SBF1: variants seen among roughly 807,000 people sequenced by gnomAD.
SBF1 encodes the protein myotubularin-related protein 5.
Under a neutral mutation model 215.8 loss-of-function variants are expected in SBF1, and 65 were observed. That is an observed-to-expected ratio of 0.30 (90% CI 0.25 to 0.37). The LOEUF is 0.37. SBF1 is among the 10% of genes least tolerant of loss of function. The probability of loss-of-function intolerance (pLI) is 1.00; values close to 1 mark genes in which losing one functional copy is unlikely to be tolerated. For missense variants in SBF1, 2,634 were observed against 2,667.8 expected (o/e 0.99, Z 0.28); for synonymous variants, 1,410 against 1,122.8 (o/e 1.26, Z -5.11).
chr22:50,452,852 G>C (rs2067102480), intron 36 of SBF1, among the ~76,000 whole-genome samples: 2 of 151,718 alleles, frequency 1.3e-5, no homozygotes, highest in Admixed American at 1.3e-4. Context: ...CTCTTCTGGT[G>C]TCAACAGGGT....
intron 23 of SBF1, 148 bp from the exon 24 acceptor site, chr22:50,460,860 G>A (rs2067478600): frequency 5.2e-6 from 5 of 966,326 alleles, no homozygotes; most frequent in Non-Finnish European, 3.0e-6. Context: ...GTCACACGAA[G>A]GCAAGCGCTT....
rs764950474 is a variant in SBF1, at chr22:50,464,906, G to A, written c.1344C>T (p.His448=). ...PTDLFDELVA[H]EVARMRADEN... is the part of the protein sequence containing the mutation. The stretch of plus-strand genomic sequence containing the variant: ...CATCCGCCCGCATCCTTGCCACCTC[G>A]TGGGCCACCAGCTAGCGGGGTAAGC... Residue 448 remains histidine (H), a synonymous_variant, in exon 13 of 41, where the codon CAC becomes CAT. Coordinates refer to ENST00000380817, the MANE Select transcript of SBF1 (RefSeq NM_002972.4). 16 of 1,613,800 alleles carry A rather than the reference G, an allele frequency of 9.9e-6. No individual in the cohort carries two copies. In the South Asian group the frequency reaches 1.3e-4, roughly 13 times the overall value.
At chr22:50,470,250 G>A (rs766072651) in intron 1 of SBF1, among the ~76,000 whole-genome samples, 7 of 152,132 alleles carry the variant, frequency 4.6e-5, no homozygotes, top group Non-Finnish European at 7.4e-5. Context: ...GGTGGAGGAA[G>A]GAAGAGGGGT....
intron 1 of SBF1, among the ~76,000 whole-genome samples, chr22:50,472,549 T>A (rs1332358931): frequency 6.6e-6 from 1 of 152,168 alleles, no homozygotes; most frequent in Non-Finnish European, 1.5e-5. Context: ...CAGGGCCTCC[T>A]GTGTGCTACT....
chr22:50,461,845 G>T lies in SBF1; in HGVS notation c.2594C>A (p.Thr865Asn), dbSNP rs2067528471. ...GCTCTCCCGCTGCACGGCCTCCAGG[G>T]TCTCGATGTGCATCTGGACAATGTC... ...VPDIVQMHIE[T>N]LEAVQRESRR... The change falls in exon 21 of 41, where the codon ACC becomes AAC. Residue 865 changes from threonine (T) to asparagine (N), a missense_variant. Transcript: ENST00000380817. 11 of 1,613,858 alleles carry T rather than the reference G, an allele frequency of 6.8e-6. No individual in the cohort carries two copies. The highest frequency in any genetic ancestry group is 9.3e-6 in the Non-Finnish European group (11 of 1,180,032).
chr22:50,468,072 T>C, intron 2 of SBF1, 149 bp from the exon 3 acceptor site: 3 of 990,112 alleles, frequency 3.0e-6, no homozygotes, highest in Non-Finnish European at 4.5e-6. Context: ...CGTGGCCTCC[T>C]GGGCCTCAGT....
chr22:50,473,761 C>G (rs558160704), intron 1 of SBF1, among the ~76,000 whole-genome samples: 2 of 152,328 alleles, frequency 1.3e-5, no homozygotes, highest in Admixed American at 1.3e-4. Context: ...AGATCCAGCC[C>G]CTGCCTGACC....
chr22:50,472,117 G>A (rs2148615718), intron 1 of SBF1, among the ~76,000 whole-genome samples: 1 of 152,332 alleles, frequency 6.6e-6, no homozygotes, highest in South Asian at 2.1e-4. Context: ...CACAGAAGGT[G>A]ATCCCTGACT....
rs752147978 is a variant in SBF1, at chr22:50,448,461, G to T, written c.5152-17C>A. ...AGGGGTGCCCTGGGAACAGGAGGTT[G>T]GGACTTGGGTCAGGGCTGGACAGAC... On this transcript the variant is annotated splice_polypyrimidine_tract_variant and intron_variant, in intron 37 of 40. Coordinates refer to ENST00000380817, the MANE Select transcript of SBF1 (RefSeq NM_002972.4). 3 of 1,612,796 alleles carry T rather than the reference G, an allele frequency of 1.9e-6. No homozygotes were observed. The South Asian group carries it at 3.3e-5, about 18-fold the overall frequency.
chr22:50,446,909 T>G lies in SBF1; in HGVS notation c.*233A>C. ...CGGGGCCGGACTATTTACAGGCCCA[T>G]TGCGGGCTGTACCTTGGCCACCTCC... is the stretch of plus-strand genomic sequence containing the variant. On this transcript the variant is annotated 3_prime_UTR_variant, in exon 41 of 41. Coordinates refer to ENST00000380817, the MANE Select transcript of SBF1 (RefSeq NM_002972.4). The G allele has an allele frequency of 1.4e-6, 1 of 731,228 alleles. No individual in the cohort carries two copies. Among genetic ancestry groups the G allele is most frequent in the Non-Finnish European group, 2.5e-6 (1 of 401,128 alleles). 45.3% of individuals were successfully genotyped at this position (731,228 alleles called of 1,614,324 possible).
intron 36 of SBF1, among the ~76,000 whole-genome samples, chr22:50,451,795 C>CT (rs869258302): frequency 0.012 from 1,618 of 139,654 alleles, 16 homozygotes; most frequent in African/African-American, 0.022. Context: ...AAAGTAATAT[C>CT]TTTTTTTTTT....
chr22:50,474,916 G>A lies in SBF1; in HGVS notation c.-76C>T. On this transcript the variant is annotated 5_prime_UTR_variant, in exon 1 of 41. Transcript: ENST00000380817. Reference sequence around the variant, plus strand: ...GGGACTCGAGGACGGCGCGCTCATGGCCCGGCCCCGGCCCTGGACCGCGCA... The same window carrying A: ...GGGACTCGAGGACGGCGCGCTCATGACCCGGCCCCGGCCCTGGACCGCGCA... 1 of 1,065,920 alleles carries A rather than the reference G, an allele frequency of 9.4e-7. No homozygotes were observed. The highest frequency in any genetic ancestry group is 1.2e-6 in the Non-Finnish European group (1 of 820,626). The allele number at this position is 1,065,920 out of a possible 1,614,324, so 66.0% of individuals were successfully genotyped here. A position where few individuals can be genotyped will look rare whatever the true frequency, so the allele number is the denominator to read the frequency against.
Position 50,455,597 on chromosome 22 carries a change from G to A in SBF1, c.4267-15C>T, listed in dbSNP as rs115969873. The A allele has an allele frequency of 1.3e-3, 2,068 of 1,558,122 alleles. 26 individuals carry two copies. In the African/African-American group the frequency reaches 0.023, roughly 17 times the overall value. ...AGCTTGTGGATCTGCAGGGACAGGC[G>A]GCCTCAGCACCTCGGGGACCCACCG... On this transcript the variant is annotated splice_polypyrimidine_tract_variant and intron_variant, in intron 31 of 40. Coordinates refer to ENST00000380817, the MANE Select transcript of SBF1 (RefSeq NM_002972.4).
chr22:50,458,145 A>G (rs1209020571), intron 28 of SBF1, among the ~76,000 whole-genome samples: 1 of 152,084 alleles, frequency 6.6e-6, no homozygotes, highest in Admixed American at 6.6e-5. Context: ...TAAAAATACA[A>G]TACAAAAAAA....
intron 28 of SBF1, 140 bp downstream of exon 28, chr22:50,459,115 G>A (rs1460504231): frequency 2.4e-6 from 3 of 1,272,682 alleles, no homozygotes; most frequent in Non-Finnish European, 3.2e-6. Flanking sequence ...GGCACCCGGA[G>A]GGCATGCTCC....
Position 50,455,050 on chromosome 22 carries a change from G to A in SBF1, c.4647C>T (p.Phe1549=), listed in dbSNP as rs367620647. ...YHHVSRRFRT[F]LLDSDYERIE... is the part of the protein sequence containing the mutation. ...TGCGCTCATAGTCAGAGTCGAGCAG[G>A]AAGGTCCGGAAACGGCGGGACACAT... is the stretch of plus-strand genomic sequence containing the variant. Residue 1549 remains phenylalanine (F), a synonymous_variant, in exon 34 of 41, where the codon TTC becomes TTT. Transcript: ENST00000380817. The A allele has an allele frequency of 1.2e-5, 20 of 1,614,032 alleles. No homozygotes were observed. Among genetic ancestry groups the A allele is most frequent in the Middle Eastern group, 1.6e-4 (1 of 6,084 alleles).
rs889175832 is a variant in SBF1 at position 50,475,013 on chromosome 22, C to T, written c.-173G>A. On this transcript the variant is annotated 5_prime_UTR_variant, in exon 1 of 41. Transcript: ENST00000380817. Reference sequence around the variant, plus strand: ...CGGCGGCCCAGGTTCCCGCCGCCATCTTCCCAGCCAGCCGGCCCGCCCGGG... The same window carrying T: ...CGGCGGCCCAGGTTCCCGCCGCCATTTTCCCAGCCAGCCGGCCCGCCCGGG... The T allele has an allele frequency of 9.2e-6, 2 of 218,220 alleles. No individual in the cohort carries two copies. Among genetic ancestry groups the T allele is most frequent in the Non-Finnish European group, 1.6e-5 (2 of 123,870 alleles). The allele number at this position is 218,220 out of a possible 1,614,324, so 13.5% of individuals were successfully genotyped here. A position where few individuals can be genotyped will look rare whatever the true frequency, so the allele number is the denominator to read the frequency against.
chr22:50,447,839 TCA>T (rs1319408054), intron 38 of SBF1, among the ~76,000 whole-genome samples: 1 of 152,170 alleles, frequency 6.6e-6, no homozygotes, highest in East Asian at 1.9e-4. Context: ...GAAGGGCGCC[TCA>T]CACCCTCCAG....
At position 50,462,599 on chromosome 22, in the gene SBF1, G is replaced by T. The variant is rs753438191; in HGVS notation, c.2087C>A (p.Ala696Asp). The change falls in exon 18 of 41, where the codon GCC becomes GAC. Residue 696 changes from alanine (A) to aspartate (D), a missense_variant. Ala to Asp is a moderately radical substitution (Grantham distance 126). Coordinates refer to ENST00000380817, the MANE Select transcript of SBF1 (RefSeq NM_002972.4). ...FYGDVQTHIR[A>D]LYLEPTEDLA... ...GTCCTCCGTGGGCTCCAGGTAGAGG[G>T]CCCGGATGTGAGTCTGCACATCCCC... 1.1e-5 allele frequency: 17 copies of T among 1,612,360 alleles called. No homozygotes were observed. The Admixed American group carries it at 2.8e-4, about 27-fold the overall frequency.
Sources: gnomAD v4.1 joint callset for allele counts (sites outside exome capture counted in the v4.1 genomes callset) on GRCh38, gnomAD v4.1.1 for gene constraint, MANE v1.5 for transcripts, NCBI Gene and HGNC (gene_info 2026-07-23, HGNC 2026-07-21) for gene names.